Variants in FANCA observed in about 807,000 individuals in gnomAD.
FANCA encodes the protein FA complementation group A.
In FANCA, 236 loss-of-function variants were observed where a neutral mutation model predicts 194.3. The observed-to-expected ratio is 1.21, with a 90% CI of 1.09 to 1.35. The LOEUF (loss-of-function observed/expected upper bound fraction) is 1.35. Among genes scored for constraint, FANCA ranks in the 40% most tolerant of loss-of-function variants. The pLI, the probability that FANCA is intolerant of heterozygous loss-of-function variation, is 0.00. For missense variants in FANCA, 2,628 were observed against 1,813.9 expected (o/e 1.45, Z -8.15); for synonymous variants, 1,014 against 715.8 (o/e 1.42, Z -6.65).
At chr16:89,807,654 G>T (rs1463470252) in intron 6 of FANCA, among the ~76,000 whole-genome samples, 3 of 152,082 alleles carry the variant, frequency 2.0e-5, no homozygotes, top group Non-Finnish European at 4.4e-5. Flanking sequence ...GGAGGCAGAG[G>T]CGGGCAGATC....
At chr16:89,793,262 C>T (rs2040137879) in intron 11 of FANCA, among the ~76,000 whole-genome samples, 1 of 152,116 alleles carries the variant, frequency 6.6e-6, no homozygotes, top group Non-Finnish European at 1.5e-5. Flanking sequence ...GGGCGTCTTC[C>T]CAGACGCTGC....
Position 89,816,636 on chromosome 16 carries a change from C to G in FANCA, c.-21G>C, listed in dbSNP as rs889664442. ...GACATGGCCTTGGCGCCTACAGCCCCGGCGGCGGCTCCCTGCGCCCGAGCC... is the reference window on the plus strand; with the variant it reads ...GACATGGCCTTGGCGCCTACAGCCCGGGCGGCGGCTCCCTGCGCCCGAGCC... On this transcript the variant is annotated 5_prime_UTR_variant, in exon 1 of 43. Transcript: ENST00000389301. The G allele has an allele frequency of 4.0e-6, 6 of 1,516,604 alleles. No individual in the cohort carries two copies. The highest frequency in any genetic ancestry group is 2.4e-5 in the South Asian group (2 of 82,238). 93.9% of individuals were successfully genotyped at this position (1,516,604 alleles called of 1,614,324 possible).
intron 21 of FANCA, among the ~76,000 whole-genome samples, chr16:89,775,437 C>A (rs942202009): frequency 1.4e-4 from 22 of 152,244 alleles, no homozygotes; most frequent in Admixed American, 6.5e-4. Flanking sequence ...GCACCCGAGT[C>A]TGAAGCCTGT....
intron 5 of FANCA, among the ~76,000 whole-genome samples, chr16:89,809,739 GCTACT>G (rs1335507855): frequency 6.6e-6 from 1 of 152,054 alleles, no homozygotes; most frequent in Non-Finnish European, 1.5e-5. Flanking sequence ...TGTAATCCCA[GCTACT>G]CGGGAGGCTG....
chr16:89,746,401 C>G (rs17233609), intron 35 of FANCA, among the ~76,000 whole-genome samples, 183 bp downstream of exon 35: 5,373 of 152,174 alleles, frequency 0.035, 147 homozygotes, highest in Middle Eastern at 0.18. Flanking sequence ...TCTGGGAACT[C>G]AGGATGTGCG....
chr16:89,810,647 C>G, intron 5 of FANCA, 60 bp downstream of exon 5: 1 of 1,097,730 alleles, frequency 9.1e-7, no homozygotes, highest in Non-Finnish European at 1.4e-6. Context: ...TTGCCTCCAT[C>G]CAGATCAACA....
chr16:89,743,533 CA>C (rs17233685), intron 36 of FANCA, among the ~76,000 whole-genome samples: 1 of 133,352 alleles, frequency 7.5e-6, no homozygotes, highest in Non-Finnish European at 1.5e-5. Flanking sequence ...CTCAAATAAA[CA>C]AAAACGAGGC....
chr16:89,771,924 A>G (rs1349603514), intron 22 of FANCA, 110 bp from the exon 23 acceptor site: 3 of 1,267,364 alleles, frequency 2.4e-6, no homozygotes, highest in Non-Finnish European at 3.4e-6. Flanking sequence ...GATCCTGCTG[A>G]CTGCACACAT....
chr16:89,800,607 G>A (rs896145479), intron 8 of FANCA, among the ~76,000 whole-genome samples: 1 of 152,116 alleles, frequency 6.6e-6, no homozygotes, highest in African/African-American at 2.4e-5. Context: ...GCAATCCTGA[G>A]GAAAAAGAAC....
At chr16:89,753,129 G>A (rs1320197268) in intron 30 of FANCA, among the ~76,000 whole-genome samples, 14 of 151,930 alleles carry the variant, frequency 9.2e-5, no homozygotes, top group African/African-American at 1.5e-4. Flanking sequence ...AAATAATGGC[G>A]TAAGCTGTCT....
intron 26 of FANCA, among the ~76,000 whole-genome samples, chr16:89,767,527 C>T (rs1305702502): frequency 6.6e-6 from 1 of 152,046 alleles, no homozygotes; most frequent in Non-Finnish European, 1.5e-5. Flanking sequence ...CCCACCATGC[C>T]CAGCTGATTC....
Position 89,738,383 on chromosome 16 carries a change from G to A in FANCA, c.*218C>T, listed in dbSNP as rs551173588. 22 of 1,410,580 alleles carry A rather than the reference G, an allele frequency of 1.6e-5. No individual in the cohort carries two copies. In the East Asian group the frequency reaches 2.5e-4, roughly 16 times the overall value. The allele number at this position is 1,410,580 out of a possible 1,614,324, so 87.4% of individuals were successfully genotyped here. On this transcript the variant is annotated 3_prime_UTR_variant, in exon 43 of 43. Transcript: ENST00000389301. ...GGTGCTGGAGGCGGGCTTGGTGTCCGGCTCAAGTAGCCTTCCTCTGCTCTG... is the reference window on the plus strand; with the variant it reads ...GGTGCTGGAGGCGGGCTTGGTGTCCAGCTCAAGTAGCCTTCCTCTGCTCTG...
intron 14 of FANCA, among the ~76,000 whole-genome samples, chr16:89,788,057 G>A (rs1481089566): frequency 6.6e-6 from 1 of 151,994 alleles, no homozygotes; most frequent in Non-Finnish European, 1.5e-5. Context: ...ATTTTTGGTA[G>A]AGATAGGGTT....
chr16:89,783,119 G>T lies in FANCA; in HGVS notation c.1471-17C>A. 6.3e-7 allele frequency: 1 copy of T among 1,590,682 alleles called. No homozygotes were observed. Among genetic ancestry groups the T allele is most frequent in the South Asian group, 1.1e-5 (1 of 90,482 alleles). ...AATGTGCACCTGAGGATAGATAGCAGAGCGCAGCACCGTTAGTCTGGGAAC... is the reference window on the plus strand; with the variant it reads ...AATGTGCACCTGAGGATAGATAGCATAGCGCAGCACCGTTAGTCTGGGAAC... On this transcript the variant is annotated splice_polypyrimidine_tract_variant and intron_variant, in intron 15 of 42. Coordinates refer to ENST00000389301, the MANE Select transcript of FANCA (RefSeq NM_000135.4).
chr16:89,801,073 C>T (rs746037711), intron 8 of FANCA, among the ~76,000 whole-genome samples: 2 of 149,016 alleles, frequency 1.3e-5, no homozygotes, highest in African/African-American at 2.5e-5. Context: ...AGGCCAGGCA[C>T]GGTAGCCCAC....
At chr16:89,799,739 G>C in intron 8 of FANCA, 101 bp from the exon 9 acceptor site, 1 of 1,070,684 alleles carries the variant, frequency 9.3e-7, no homozygotes, top group South Asian at 1.3e-5. Context: ...CTAAAGTAAA[G>C]AAACGGCACT....
Position 89,738,035 on chromosome 16 carries a change from A to G in FANCA, c.*566T>C. 6.2e-7 allele frequency: 1 copy of G among 1,614,144 alleles called. No homozygotes were observed. The highest frequency in any genetic ancestry group is 8.5e-7 in the Non-Finnish European group (1 of 1,180,028). ...GCATCCCTCAAGTACCACATGACCA[A>G]ACACAAGGCTGAGACTGAGCTGGAC... On this transcript the variant is annotated 3_prime_UTR_variant, in exon 43 of 43. Transcript: ENST00000389301.
rs191718441 is a variant in FANCA at position 89,776,325 on chromosome 16, G to C, written c.1827-510C>G. Reference sequence around the variant, plus strand: ...TGGGATTACAGGCGCCTGCCACCAGGCCCAGCTAATTTTTTGTATTTTTAG... The same window carrying C: ...TGGGATTACAGGCGCCTGCCACCAGCCCCAGCTAATTTTTTGTATTTTTAG... On this transcript the variant is annotated intron_variant, in intron 20 of 42. Transcript: ENST00000389301. 3.2e-3 allele frequency among the ~76,000 whole-genome samples: 480 copies of C among 150,968 alleles called. 5 individuals are homozygous for C. Among genetic ancestry groups the C allele is most frequent in the African/African-American group, 0.011 (447 of 41,322 alleles).
intron 30 of FANCA, among the ~76,000 whole-genome samples, chr16:89,753,146 C>T (rs2038654603): frequency 6.6e-6 from 1 of 152,240 alleles, no homozygotes; most frequent in African/African-American, 2.4e-5. Context: ...GTCTTTCTCT[C>T]TGTCTCCTCT....
Sources: allele counts gnomAD v4.1 joint callset (sites outside exome capture counted in the v4.1 genomes callset), GRCh38; gene constraint gnomAD v4.1.1; transcripts MANE v1.5; gene names NCBI Gene and HGNC (gene_info 2026-07-23, HGNC 2026-07-21).